The following ODC1 variants were observed in gnomAD, a reference collection of about 807,000 sequenced individuals.
ODC1 encodes ornithine decarboxylase.
ODC1 carries 18 observed loss-of-function variants against 41.5 expected under a neutral mutation model. The observed-to-expected ratio is 0.43, with a 90% CI of 0.30 to 0.64. The LOEUF is 0.64. Among genes scored for constraint, ODC1 ranks in the 30% least tolerant of loss-of-function variants. The probability of loss-of-function intolerance (pLI) is 0.11; values close to 1 mark genes in which losing one functional copy is unlikely to be tolerated. For synonymous variants in ODC1, 218 were observed against 211.6 expected (o/e 1.03, Z -0.26); for missense variants, 504 against 589.0 (o/e 0.86, Z 1.49).
intron 8 of ODC1, 28 bp from the exon 9 acceptor site, chr2:10,442,202 G>A: frequency 6.4e-7 from 1 of 1,572,414 alleles, no homozygotes; most frequent in Non-Finnish European, 8.6e-7. Flanking sequence ...AAAAGAAAGA[G>A]CAGCCTTCAT....
In ODC1 at chr2:10,440,015, T is replaced by C. The variant is rs1193011151; in HGVS notation, c.*709A>G. The stretch of plus-strand genomic sequence containing the variant: ...TTATTAAAATAAGCTGACTGCCAAA[T>C]GTGGTACCGTATACATTCCTAACTT... On this transcript the variant is annotated 3_prime_UTR_variant, in exon 12 of 12. Coordinates refer to ENST00000234111, the MANE Select transcript of ODC1 (RefSeq NM_002539.3). The C allele has an allele frequency of 6.6e-6, 1 of 152,256 alleles. No individual in the cohort carries two copies. The highest frequency in any genetic ancestry group is 1.5e-5 in the Non-Finnish European group (1 of 68,086). The allele number at this position is 152,256 out of a possible 1,614,324, so 9.4% of individuals were successfully genotyped here. A position where few individuals can be genotyped will look rare whatever the true frequency, so the allele number is the denominator to read the frequency against.
In ODC1 at chr2:10,441,637, G is replaced by A. The variant is rs751658159; in HGVS notation, c.1113C>T (p.Asp371=). The change falls in exon 11 of 12, where the codon GAC becomes GAT. Residue 371 remains aspartate (D), a synonymous_variant. Transcript: ENST00000234111. ...DGLDRIVERC[D]LPEMHVGDWM... ...AATCACCCACATGCATTTCAGGCAG[G>A]TCACAGCGCTCAACAATCCGATCGA... 1.5e-5 allele frequency: 25 copies of A among 1,614,076 alleles called. No individual in the cohort carries two copies. Among genetic ancestry groups the A allele is most frequent in the Non-Finnish European group, 2.1e-5 (25 of 1,180,050 alleles).
chr2:10,445,480 A>G (rs1412444782), intron 1 of ODC1, among the ~76,000 whole-genome samples: 1 of 152,198 alleles, frequency 6.6e-6, no homozygotes, highest in Non-Finnish European at 1.5e-5. Flanking sequence ...CCAAGGCAGC[A>G]CACTAAGCAT....
intron 7 of ODC1, 59 bp downstream of exon 7, chr2:10,443,431 T>C (rs1671898244): frequency 6.4e-7 from 1 of 1,572,656 alleles, no homozygotes; most frequent in African/African-American, 1.4e-5. Flanking sequence ...ACTCTAGAAT[T>C]AAGACTAGTT....
rs1671993814 is a variant in ODC1 at position 10,445,792 on chromosome 2, T to C, written c.-127-528A>G. ...CTGGGATTACAGGCGCCTGCCACCA[T>C]GCCCGGCTAATTTTTGTGTTTTTAG... On this transcript the variant is annotated intron_variant, in intron 1 of 11. Coordinates refer to ENST00000234111, the MANE Select transcript of ODC1 (RefSeq NM_002539.3). Among the ~76,000 whole-genome samples, 3 of 151,040 alleles carry C rather than the reference T, an allele frequency of 2.0e-5. No homozygotes were observed. In the South Asian group the frequency reaches 6.3e-4, roughly 32 times the overall value.
At chr2:10,447,268 G>A (rs756368882) in intron 1 of ODC1, among the ~76,000 whole-genome samples, 15 of 152,108 alleles carry the variant, frequency 9.9e-5, no homozygotes, top group Non-Finnish European at 2.1e-4. Context: ...AGCACAAGAG[G>A]ATAATGTTAG....
At position 10,442,169 on chromosome 2, in the gene ODC1, G is replaced by A. The variant is rs141854481; in HGVS notation, c.756C>T (p.Thr252=). The change falls in exon 9 of 12, where the codon ACC becomes ACT. Residue 252 remains threonine, a synonymous_variant. Transcript: ENST00000234111. ...EDVKLKFEEI[T]GVINPALDKY... ...TGTCCAACGCTGGGTTGATTACGCC[G>A]GTGATCTAAGAGAGTGAAACAGAAA... 86 of 1,601,360 alleles carry A rather than the reference G, an allele frequency of 5.4e-5. No homozygotes were observed. Among genetic ancestry groups the A allele is most frequent in the Non-Finnish European group, 6.6e-5 (78 of 1,175,428 alleles).
chr2:10,442,070 C>G lies in ODC1; in HGVS notation c.855G>C (p.Thr285=), dbSNP rs28362407. 1 of 1,614,040 alleles carries G rather than the reference C, an allele frequency of 6.2e-7. No individual in the cohort carries two copies. Among genetic ancestry groups the G allele is most frequent in the South Asian group, 1.1e-5 (1 of 91,072 alleles). The part of the protein sequence containing the change: ...PGRYYVASAF[T]LAVNIIAKKI... ...TCTTGGCAATGATATTAACTGCAAG[C>G]GTGAAAGCTGATGCAACATAGTATC... The change falls in exon 9 of 12, where the codon ACG becomes ACC. Residue 285 remains threonine, a synonymous_variant. Coordinates refer to ENST00000234111, the MANE Select transcript of ODC1 (RefSeq NM_002539.3).
intron 1 of ODC1, chr2:10,446,822 C>A: frequency 3.0e-6 from 1 of 328,544 alleles, no homozygotes; most frequent in Non-Finnish European, 5.8e-6. Context: ...CCCAGGGTGA[C>A]GGGCCTGTCA....
intron 1 of ODC1, among the ~76,000 whole-genome samples, chr2:10,446,252 G>C (rs1435438611): frequency 1.3e-5 from 2 of 151,632 alleles, no homozygotes; most frequent in Non-Finnish European, 2.9e-5. Flanking sequence ...TCCTGCCTCA[G>C]TCTCCCGAGT....
In ODC1 at chr2:10,444,107, T is replaced by A. The variant is rs762861825; in HGVS notation, c.437A>T (p.His146Leu). The part of the protein sequence containing the change: ...EVELMKVARA[H>L]PKAKLVLRIA... Reference sequence around the variant, plus strand: ...GGGAATAACTCACTTTGCTTTGGGATGTGCTCTGGCAACTTTCATCAACTC... The same window carrying A: ...GGGAATAACTCACTTTGCTTTGGGAAGTGCTCTGGCAACTTTCATCAACTC... Residue 146 changes from histidine (H) to leucine (L), a missense_variant, in exon 5 of 12, where the codon CAT (histidine) becomes CTT (leucine). Physicochemically the swap from His to Leu is moderately conservative, Grantham distance 99 (BLOSUM62 -3). This residue lies in a region of ODC1 where 447 missense variants were observed against 524.4 expected (regional missense o/e 0.85). Coordinates refer to ENST00000234111, the MANE Select transcript of ODC1 (RefSeq NM_002539.3). The A allele has an allele frequency of 1.3e-6, 2 of 1,599,424 alleles. No individual in the cohort carries two copies. Among genetic ancestry groups the A allele is most frequent in the South Asian group, 2.3e-5 (2 of 88,254 alleles).
chr2:10,442,701 C>T (rs368205761), intron 8 of ODC1, among the ~76,000 whole-genome samples: 9 of 152,032 alleles, frequency 5.9e-5, no homozygotes, highest in Non-Finnish European at 1.3e-4. Context: ...AGGAAGCCCA[C>T]AGCAACATGC....
In ODC1 at chr2:10,440,760, G is replaced by A. The variant is rs1251627927; in HGVS notation, c.1350C>T (p.His450=). 2 of 1,614,032 alleles carry A rather than the reference G, an allele frequency of 1.2e-6. No individual in the cohort carries two copies. Among genetic ancestry groups the A allele is most frequent in the African/African-American group, 2.7e-5 (2 of 74,906 alleles). The change falls in exon 12 of 12, where the codon CAC becomes CAT. Residue 450 remains histidine (H), a synonymous_variant. Coordinates refer to ENST00000234111, the MANE Select transcript of ODC1 (RefSeq NM_002539.3). The part of the protein sequence containing the change: ...SCAWESGMKR[H]RAACASASIN... Reference sequence around the variant, plus strand: ...TACTAGCCGAAGCACAGGCTGCTCTGTGGCGTTTCATCCCACTCTCCCAGG... The same window carrying A: ...TACTAGCCGAAGCACAGGCTGCTCTATGGCGTTTCATCCCACTCTCCCAGG...
chr2:10,443,103 A>T, intron 8 of ODC1, 127 bp downstream of exon 8: 1 of 739,612 alleles, frequency 1.4e-6, no homozygotes, highest in Non-Finnish European at 2.3e-6. Context: ...CAAAGAAATC[A>T]CTCAAAATAT....
intron 1 of ODC1, among the ~76,000 whole-genome samples, chr2:10,447,186 G>C (rs1166040348): frequency 1.3e-5 from 2 of 152,078 alleles, no homozygotes; most frequent in African/African-American, 4.8e-5. Flanking sequence ...TAACTTACTT[G>C]AATATATTTT....
Position 10,442,099 on chromosome 2 carries a change from C to A in ODC1, c.826G>T (p.Gly276Cys). The A allele has an allele frequency of 6.2e-7, 1 of 1,614,072 alleles. No homozygotes were observed. The highest frequency in any genetic ancestry group is 8.5e-7 in the Non-Finnish European group (1 of 1,179,994). ...AAAGCTGATGCAACATAGTATCTGCCGGGCTCAGCTATGATTCTCACTCCA... is the reference window on the plus strand; with the variant it reads ...AAAGCTGATGCAACATAGTATCTGCAGGGCTCAGCTATGATTCTCACTCCA... ...DSGVRIIAEP[G>C]RYYVASAFTL... The change falls in exon 9 of 12, where the codon GGC becomes TGC. Residue 276 changes from glycine (G) to cysteine (C), a missense_variant. Physicochemically the swap from Gly to Cys is radical, Grantham distance 159. This residue lies in a region of ODC1 where 447 missense variants were observed against 524.4 expected (regional missense o/e 0.85). Coordinates refer to ENST00000234111, the MANE Select transcript of ODC1 (RefSeq NM_002539.3).
rs551722563 is a variant in ODC1 at position 10,441,562 on chromosome 2, C to T, written c.1188G>A (p.Thr396=). The T allele has an allele frequency of 1.3e-5, 21 of 1,614,174 alleles. No homozygotes were observed. Among genetic ancestry groups the T allele is most frequent in the Middle Eastern group, 1.6e-4 (1 of 6,062 alleles). The change falls in exon 11 of 12, where the codon ACG becomes ACA. Residue 396 remains threonine (T), a synonymous_variant. Coordinates refer to ENST00000234111, the MANE Select transcript of ODC1 (RefSeq NM_002539.3). ...TCGTCGGCCTCTGGAAGCCATTGAACGTAGAGGCAGCAGCAACAGTGTAAG... is the reference window on the plus strand; with the variant it reads ...TCGTCGGCCTCTGGAAGCCATTGAATGTAGAGGCAGCAGCAACAGTGTAAG... ...MGAYTVAAAS[T]FNGFQRPTIY...
Position 10,441,563 on chromosome 2 carries a change from G to A in ODC1, c.1187C>T (p.Thr396Met), listed in dbSNP as rs770687907. ...MGAYTVAAAS[T>M]FNGFQRPTIY... ...CGTCGGCCTCTGGAAGCCATTGAAC[G>A]TAGAGGCAGCAGCAACAGTGTAAGC... is the stretch of plus-strand genomic sequence containing the variant. The change falls in exon 11 of 12, where the codon ACG (threonine) becomes ATG (methionine). Residue 396 changes from threonine to methionine, a missense_variant. Physicochemically the swap from Thr to Met is moderately conservative, Grantham distance 81. This residue lies in a region of ODC1 where 447 missense variants were observed against 524.4 expected (regional missense o/e 0.85). Coordinates refer to ENST00000234111, the MANE Select transcript of ODC1 (RefSeq NM_002539.3). The A allele has an allele frequency of 9.3e-6, 15 of 1,614,054 alleles. No homozygotes were observed. The highest frequency in any genetic ancestry group is 5.5e-5 in the South Asian group (5 of 91,092).
In ODC1 at chr2:10,441,739, G is replaced by C; in HGVS notation, c.1027-16C>G. ...GTTTAGGTCTCTATATAAAGAGACG[G>C]AGAGAGGAAGTACTACTTAATTACA... On this transcript the variant is annotated splice_polypyrimidine_tract_variant and intron_variant, in intron 10 of 11. Coordinates refer to ENST00000234111, the MANE Select transcript of ODC1 (RefSeq NM_002539.3). 3 of 1,612,848 alleles carry C rather than the reference G, an allele frequency of 1.9e-6. No homozygotes were observed. Among genetic ancestry groups the C allele is most frequent in the South Asian group, 1.1e-5 (1 of 91,044 alleles).
Sources: gnomAD v4.1 joint callset for allele counts (sites outside exome capture counted in the v4.1 genomes callset) on GRCh38, gnomAD v4.1.1 for gene constraint, gnomAD v4.1.1 regional missense constraint, MANE v1.5 for transcripts, NCBI Gene and HGNC (gene_info 2026-07-23, HGNC 2026-07-21) for gene names.